Variants in NTM observed in about 807,000 individuals in gnomAD.
The protein encoded by NTM is neurotrimin, also known as IgLON family member 2.
A neutral mutation model predicts 42.1 loss-of-function variants in NTM; 13 were observed. The ratio of observed to expected loss-of-function variants is 0.31; its 90% CI spans 0.20 to 0.49. The LOEUF is 0.49. Ranked by LOEUF, NTM falls within the 20% of genes least tolerant of loss-of-function variation. NTM has a pLI of 0.99. For missense variants in NTM, 373 were observed against 452.8 expected, an observed-to-expected ratio of 0.82 and a Z score of 1.60; for synonymous variants, 187 against 179.2, an observed-to-expected ratio of 1.04 and a Z score of -0.35.
intron 1 of NTM, among the ~76,000 whole-genome samples, chr11:131,492,876 T>G (rs1461834336): frequency 6.6e-6 from 1 of 152,078 alleles, no homozygotes; most frequent in Non-Finnish European, 1.5e-5. Context: ...GCAAACTGTT[T>G]GGCCTCTTGT....
chr11:131,962,197 T>C (rs148609298), intron 2 of NTM, among the ~76,000 whole-genome samples: 114 of 152,226 alleles, frequency 7.5e-4, no homozygotes, highest in African/African-American at 2.5e-3. Flanking sequence ...GCCCCTCTCA[T>C]AATCATCTTT....
intron 1 of NTM, among the ~76,000 whole-genome samples, chr11:131,793,073 G>A (rs918857062): frequency 1.3e-5 from 2 of 152,202 alleles, no homozygotes; most frequent in African/African-American, 4.8e-5. Context: ...AATCGCCAAC[G>A]TACTTAGAAG....
intron 1 of NTM, among the ~76,000 whole-genome samples, chr11:131,789,542 GAAGAAAA>G (rs1565551836): frequency 5.3e-5 from 1 of 19,022 alleles, no homozygotes; most frequent in Non-Finnish European, 8.9e-5. Context: ...AGAAGAAGAA[GAAGAAAA>G]GAAGAAGAAG....
intron 1 of NTM, among the ~76,000 whole-genome samples, chr11:131,775,602 CT>C (rs969007812): frequency 6.6e-6 from 1 of 152,170 alleles, no homozygotes; most frequent in African/African-American, 2.4e-5. Context: ...GGGAACATCT[CT>C]TCTGGATACT....
In NTM at chr11:131,761,645, A is replaced by T. The variant is rs574062818; in HGVS notation, c.83-149919A>T. Reference sequence around the variant, plus strand: ...AACATAGAGAAACCCCATCTCTACTAAAAACACAAAAAAATTAGCCAGGCG... The same window carrying T: ...AACATAGAGAAACCCCATCTCTACTTAAAACACAAAAAAATTAGCCAGGCG... On this transcript the variant is annotated intron_variant, in intron 1 of 8. Coordinates refer to ENST00000683400, the MANE Select transcript of NTM (RefSeq NM_001352005.2). Among the ~76,000 whole-genome samples, 4 of 151,958 alleles carry T rather than the reference A, an allele frequency of 2.6e-5. No homozygotes were observed. The East Asian group carries it at 7.8e-4, about 30-fold the overall frequency.
rs1449209876 is a variant in NTM, at chr11:131,577,715, C to T, written c.82+206827C>T. Among the ~76,000 whole-genome samples the T allele has an allele frequency of 2.0e-5, 3 of 152,204 alleles. No homozygotes were observed. The East Asian group carries it at 5.8e-4, about 29-fold the overall frequency. On this transcript the variant is annotated intron_variant, in intron 1 of 8. Transcript: ENST00000683400. ...AAATCTAAGTCTCTGCAGGATGCAGCTTCAAAACCAATGCTCTAAAGCCAT... is the reference window on the plus strand; with the variant it reads ...AAATCTAAGTCTCTGCAGGATGCAGTTTCAAAACCAATGCTCTAAAGCCAT...
intron 1 of NTM, among the ~76,000 whole-genome samples, chr11:131,531,308 T>A (rs1050471435): frequency 5.3e-5 from 8 of 152,100 alleles, no homozygotes; most frequent in Non-Finnish European, 8.8e-5. Flanking sequence ...TCTGCTAATT[T>A]TTTTTGGGGG....
At chr11:131,527,388 A>G (rs2136634728) in intron 1 of NTM, among the ~76,000 whole-genome samples, 1 of 152,268 alleles carries the variant, frequency 6.6e-6, no homozygotes, top group African/African-American at 2.4e-5. Flanking sequence ...CTATGATCAC[A>G]GTTCTCTTCT....
chr11:131,426,113 C>T (rs766583480), intron 1 of NTM, among the ~76,000 whole-genome samples: 2 of 152,040 alleles, frequency 1.3e-5, no homozygotes, highest in African/African-American at 2.4e-5. Context: ...GTCTTTGAGG[C>T]GTATGCTTCA....
chr11:132,076,450 A>G (rs1381270741), intron 2 of NTM, among the ~76,000 whole-genome samples: 2 of 152,346 alleles, frequency 1.3e-5, no homozygotes, highest in Non-Finnish European at 2.9e-5. Flanking sequence ...AACTATGGAG[A>G]AGGCATGGTT....
At chr11:131,617,323 G>A (rs563143074) in intron 1 of NTM, among the ~76,000 whole-genome samples, 3 of 152,242 alleles carry the variant, frequency 2.0e-5, no homozygotes, top group South Asian at 2.1e-4. Context: ...GAAAGAAAAC[G>A]TGTGCTTCGT....
At chr11:131,715,528 A>C (rs550421094) in intron 1 of NTM, among the ~76,000 whole-genome samples, 1 of 152,358 alleles carries the variant, frequency 6.6e-6, no homozygotes, top group East Asian at 1.9e-4. Context: ...CAATTTGATA[A>C]GTTTTGACAT....
chr11:131,528,338 CACTT>C (rs4053986), intron 1 of NTM, among the ~76,000 whole-genome samples: 11,596 of 152,142 alleles, frequency 0.076, 482 homozygotes, highest in Middle Eastern at 0.15. Flanking sequence ...ATTTATTAAG[CACTT>C]ACTTTGTGTC....
intron 2 of NTM, among the ~76,000 whole-genome samples, chr11:132,125,709 GTA>G (rs2065657708): frequency 6.9e-3 from 3 of 436 alleles, no homozygotes; most frequent in Non-Finnish European, 0.012. Context: ...AGTGTGGTGT[GTA>G]GTGTGTGGTG....
At chr11:132,022,443 A>G (rs1187290472) in intron 2 of NTM, among the ~76,000 whole-genome samples, 3 of 152,180 alleles carry the variant, frequency 2.0e-5, no homozygotes, top group Non-Finnish European at 4.4e-5. Context: ...CAGAGTCCGC[A>G]TGATATTCGT....
chr11:131,794,643 A>ATGAG (rs1343420620), intron 1 of NTM: 2 of 985,196 alleles, frequency 2.0e-6, no homozygotes, highest in East Asian at 2.3e-4. Flanking sequence ...GAATGAATGA[A>ATGAG]TGAGTAGTGC....
chr11:131,510,767 A>G (rs758891173), intron 1 of NTM, among the ~76,000 whole-genome samples: 1 of 152,158 alleles, frequency 6.6e-6, no homozygotes, highest in Non-Finnish European at 1.5e-5. Context: ...CCAGTTTTGC[A>G]GTCAAGGTTT....
intron 3 of NTM, among the ~76,000 whole-genome samples, chr11:132,208,558 T>C (rs911522121): frequency 7.2e-5 from 11 of 152,190 alleles, no homozygotes; most frequent in African/African-American, 2.7e-4. Context: ...GAGGTGCGAT[T>C]GTCTCATTTA....
intron 2 of NTM, among the ~76,000 whole-genome samples, chr11:132,127,427 T>C (rs2066025272): frequency 6.6e-6 from 1 of 152,246 alleles, no homozygotes; most frequent in African/African-American, 2.4e-5. Context: ...CCAGGCAGTC[T>C]TGGCGATGCT....
Sources: allele counts gnomAD v4.1 joint callset (sites outside exome capture counted in the v4.1 genomes callset), GRCh38; gene constraint gnomAD v4.1.1; transcripts MANE v1.5; gene names NCBI Gene and HGNC (gene_info 2026-07-23, HGNC 2026-07-21).